Variants in EIF4E observed in about 807,000 individuals in gnomAD.
EIF4E encodes the protein eIF-4F 25 kDa subunit.
For missense variants in EIF4E, 113 were observed against 265.6 expected (o/e 0.43, Z 3.99); for synonymous variants, 71 against 88.5 (o/e 0.80, Z 1.11).
intron 1 of EIF4E, among the ~76,000 whole-genome samples, chr4:98,919,347 CA>C (rs974044137): frequency 3.9e-5 from 5 of 129,662 alleles, no homozygotes; most frequent in African/African-American, 8.3e-5. Context: ...AAAAAAAAAA[CA>C]AAAAAAAACA....
chr4:98,886,567 T>G (rs753624590), intron 5 of EIF4E: 17 of 405,468 alleles, frequency 4.2e-5, no homozygotes, highest in African/African-American at 1.0e-4. Flanking sequence ...ATTAGAAAAT[T>G]AGCTGGGCAT....
rs1012792700 is a variant in EIF4E, at chr4:98,884,798, C to T, written c.539+124G>A. 4.5e-6 allele frequency: 6 copies of T among 1,343,442 alleles called. No individual in the cohort carries two copies. In the African/African-American group the frequency reaches 5.9e-5, roughly 13 times the overall value. The allele number at this position is 1,343,442 out of a possible 1,614,324, so 83.2% of individuals were successfully genotyped here. The stretch of plus-strand genomic sequence containing the variant: ...AGCCGTTCAAAATTATAAAAGTGTT[C>T]ACGAAAACAATACAAGGAAAACAGG... On this transcript the variant is annotated intron_variant, in intron 6 of 6. Coordinates refer to ENST00000450253, the MANE Select transcript of EIF4E (RefSeq NM_001968.5).
At chr4:98,923,423 C>T (rs1725735476) in intron 1 of EIF4E, among the ~76,000 whole-genome samples, 1 of 152,026 alleles carries the variant, frequency 6.6e-6, no homozygotes. Flanking sequence ...TCAGGGGATC[C>T]TCCCATTTCA....
intron 1 of EIF4E, among the ~76,000 whole-genome samples, chr4:98,918,095 G>T (rs916597386): frequency 1.5e-4 from 23 of 151,052 alleles, no homozygotes; most frequent in Admixed American, 6.6e-4. Context: ...AGGTGTGGTG[G>T]CTCACGCCTG....
At chr4:98,916,166 G>C (rs931135804) in intron 1 of EIF4E, among the ~76,000 whole-genome samples, 18 of 151,716 alleles carry the variant, frequency 1.2e-4, no homozygotes, top group African/African-American at 4.4e-4. Context: ...ACTCCAGCCT[G>C]GGCAACAGAG....
intron 3 of EIF4E, among the ~76,000 whole-genome samples, chr4:98,889,669 C>G (rs1724069788): frequency 2.0e-5 from 3 of 152,274 alleles, no homozygotes; most frequent in Admixed American, 6.5e-5. Flanking sequence ...TAAAAACCTA[C>G]TATGTAATGA....
intron 2 of EIF4E, among the ~76,000 whole-genome samples, chr4:98,896,522 G>GCCAT (rs1348813576): frequency 7.1e-6 from 1 of 140,454 alleles, no homozygotes; most frequent in African/African-American, 2.8e-5. Flanking sequence ...ACCTTAGCTA[G>GCCAT]CCATGGTGGT....
intron 2 of EIF4E, 120 bp downstream of exon 2, chr4:98,901,756 G>A: frequency 1.1e-6 from 1 of 942,894 alleles, no homozygotes; most frequent in Non-Finnish European, 1.7e-6. Flanking sequence ...AGTGAAAATA[G>A]AACCCTCAAC....
At position 98,887,015 on chromosome 4, in the gene EIF4E, C is replaced by G; in HGVS notation, c.399+64G>C. 1 of 1,472,746 alleles carries G rather than the reference C, an allele frequency of 6.8e-7. No homozygotes were observed. Among genetic ancestry groups the G allele is most frequent in the Non-Finnish European group, 9.5e-7 (1 of 1,054,118 alleles). The allele number at this position is 1,472,746 out of a possible 1,614,324, so 91.2% of individuals were successfully genotyped here. ...ATTAAGTAACAAATGTAAAACATAA[C>G]ATATCTTAAGTATCAGTATTCCAAA... is the stretch of plus-strand genomic sequence containing the variant. On this transcript the variant is annotated intron_variant, in intron 5 of 6. Transcript: ENST00000450253. The surrounding 1 kb of genome is among the most constrained non-coding windows in gnomAD (Gnocchi z 4.0).
At chr4:98,916,286 CAAA>C (rs11462325) in intron 1 of EIF4E, among the ~76,000 whole-genome samples, 23 of 106,936 alleles carry the variant, frequency 2.2e-4, no homozygotes, top group African/African-American at 6.3e-4. Flanking sequence ...ATTCAGAGGA[CAAA>C]AAAAAAAAAA....
chr4:98,901,751 A>G (rs1466123735), intron 2 of EIF4E, 125 bp downstream of exon 2: 4 of 911,694 alleles, frequency 4.4e-6, no homozygotes, highest in Non-Finnish European at 7.3e-6. Context: ...ATCCAAGTGA[A>G]AATAGAACCC....
chr4:98,910,177 A>C (rs1313717328), intron 1 of EIF4E, among the ~76,000 whole-genome samples: 1 of 152,190 alleles, frequency 6.6e-6, no homozygotes, highest in Non-Finnish European at 1.5e-5. Flanking sequence ...TGGATTTTGC[A>C]GTCTTCCTTA....
chr4:98,925,486 C>T (rs1314739743), intron 1 of EIF4E, among the ~76,000 whole-genome samples: 4 of 152,130 alleles, frequency 2.6e-5, no homozygotes, highest in Admixed American at 1.3e-4. Context: ...ATCAGAGTAC[C>T]GTTTGCCCTA....
At position 98,889,015 on chromosome 4, in the gene EIF4E, C is replaced by T. The variant is rs570345649; in HGVS notation, c.222-1063G>A. Among the ~76,000 whole-genome samples the T allele has an allele frequency of 2.6e-5, 4 of 151,968 alleles. No individual in the cohort carries two copies. The South Asian group carries it at 8.3e-4, about 32-fold the overall frequency. ...CTCTACTAAAAATACAAAAATTAGC[C>T]GGGCGTGGTGGCATGCGCCTGTAAT... is the stretch of plus-strand genomic sequence containing the variant. On this transcript the variant is annotated intron_variant, in intron 3 of 6. Transcript: ENST00000450253.
chr4:98,919,724 A>G (rs1725566009), intron 1 of EIF4E, among the ~76,000 whole-genome samples: 2 of 151,638 alleles, frequency 1.3e-5, no homozygotes, highest in Admixed American at 1.3e-4. Flanking sequence ...ACACCCAGCT[A>G]ATTTTTGTAT....
At chr4:98,883,393 ATTTTT>A (rs11408890) in intron 6 of EIF4E, among the ~76,000 whole-genome samples, 4 of 103,874 alleles carry the variant, frequency 3.9e-5, no homozygotes, top group Non-Finnish European at 5.4e-5. Context: ...TGTAAGTCAA[ATTTTT>A]TTTTTTTTTT....
At chr4:98,921,441 T>C (rs1034385064) in intron 1 of EIF4E, among the ~76,000 whole-genome samples, 2 of 152,058 alleles carry the variant, frequency 1.3e-5, no homozygotes, top group African/African-American at 4.8e-5. Flanking sequence ...TCATCTCGGC[T>C]CACTGCAACC....
At chr4:98,892,869 A>C (rs866014935) in intron 2 of EIF4E, among the ~76,000 whole-genome samples, 6 of 152,174 alleles carry the variant, frequency 3.9e-5, no homozygotes, top group African/African-American at 1.4e-4. Flanking sequence ...GTTCTGAAAT[A>C]ATGTATACCA....
chr4:98,923,291 C>T (rs1489865181), intron 1 of EIF4E, among the ~76,000 whole-genome samples: 3 of 150,682 alleles, frequency 2.0e-5, no homozygotes, highest in South Asian at 4.2e-4. Context: ...TAGACACACA[C>T]ACACACACGC....
Sources: gnomAD v4.1 joint callset for allele counts (sites outside exome capture counted in the v4.1 genomes callset) on GRCh38, gnomAD v4.1.1 for gene constraint, Gnocchi (gnomAD v3.1) non-coding constraint, MANE v1.5 for transcripts, NCBI Gene and HGNC (gene_info 2026-07-23, HGNC 2026-07-21) for gene names.